The following ADAM8 variants were observed in gnomAD, a reference collection of about 807,000 sequenced individuals.
The protein encoded by ADAM8 is disintegrin and metalloproteinase domain-containing protein 8.
ADAM8 carries 104 observed loss-of-function variants against 102.4 expected under a neutral mutation model. The ratio of observed to expected loss-of-function variants is 1.02; its 90% CI spans 0.87 to 1.20. The LOEUF is 1.20. ADAM8 is among the 50% of genes most tolerant of loss of function. The pLI, the probability that ADAM8 is intolerant of heterozygous loss-of-function variation, is 0.00. For synonymous variants in ADAM8, 517 were observed against 485.2 expected, an observed-to-expected ratio of 1.07 and a Z score of -0.86; for missense variants, 1,132 against 1,159.0, an observed-to-expected ratio of 0.98 and a Z score of 0.34.
intron 1 of ADAM8, 99 bp downstream of exon 1, chr10:133,276,673 G>C (rs1051033136): frequency 5.5e-6 from 8 of 1,453,190 alleles, no homozygotes; most frequent in Admixed American, 2.4e-5. Context: ...CAGGGTGCGG[G>C]GTGCGAGCAG....
rs375358803 is a variant in ADAM8, at chr10:133,271,543, G to A, written c.1269C>T (p.Asp423=). The change falls in exon 12 of 23, where the codon GAC becomes GAT. Residue 423 remains aspartate, a synonymous_variant. Transcript: ENST00000445355. ...NLFVERGEQC[D]CGPPEDCRNR... is the part of the protein sequence containing the mutation. ...ATGGACGCACCTCGGGGGGGCCGCA[G>A]TCGCACTGCTCCCCACGCTCCACAA... The A allele has an allele frequency of 6.3e-5, 98 of 1,557,084 alleles. No homozygotes were observed. Among genetic ancestry groups the A allele is most frequent in the East Asian group, 4.0e-4 (17 of 42,414 alleles).
Position 133,270,377 on chromosome 10 carries a change from G to A in ADAM8, c.1768C>T (p.Arg590Trp), listed in dbSNP as rs139947855. 1.4e-4 allele frequency: 228 copies of A among 1,588,130 alleles called. No homozygotes were observed. In the African/African-American group the frequency reaches 2.7e-3, roughly 19 times the overall value. ...TAYEPVPEGTRCGPEKVCWKG... is the reference protein window; with the variant it reads ...TAYEPVPEGTWCGPEKVCWKG... ...GGGCTCACCTTCTCTGGTCCACACC[G>A]GGTGCCCTCGGGCACTGGTTCATAC... Residue 590 changes from arginine (R) to tryptophan (W), a missense_variant, in exon 16 of 23, where the codon CGG (arginine) becomes TGG (tryptophan). Physicochemically the swap from Arg to Trp is moderately radical, Grantham distance 101. Transcript: ENST00000445355.
chr10:133,271,801 C>T lies in ADAM8; in HGVS notation c.1106+5G>A. 1 of 1,610,588 alleles carries T rather than the reference C, an allele frequency of 6.2e-7. No homozygotes were observed. The highest frequency in any genetic ancestry group is 8.5e-7 in the Non-Finnish European group (1 of 1,178,580). Reference sequence around the variant, plus strand: ...CCCTGGCTCTGCAGGGCCTGGCCGCCTCACCCAATGCTGCCCGCCATGATG... The same window carrying T: ...CCCTGGCTCTGCAGGGCCTGGCCGCTTCACCCAATGCTGCCCGCCATGATG... On this transcript the variant is annotated splice_donor_5th_base_variant and intron_variant, in intron 11 of 22. Transcript: ENST00000445355.
rs1244442369 is a variant in ADAM8, at chr10:133,262,937, A to G, written c.*219T>C. ...TCATCCCAGCCTGGTGCCTGCAGACAGCTGGGGCTACACGTGGCCAAGGCG... is the reference window on the plus strand; with the variant it reads ...TCATCCCAGCCTGGTGCCTGCAGACGGCTGGGGCTACACGTGGCCAAGGCG... On this transcript the variant is annotated 3_prime_UTR_variant, in exon 23 of 23. Transcript: ENST00000445355. 8.9e-6 allele frequency: 6 copies of G among 672,268 alleles called. No homozygotes were observed. The highest frequency in any genetic ancestry group is 2.5e-5 in the East Asian group (1 of 39,640). The allele number at this position is 672,268 out of a possible 1,614,324, so 41.6% of individuals were successfully genotyped here.
In ADAM8 at chr10:133,272,220, G is replaced by A. The variant is rs1415006230; in HGVS notation, c.930C>T (p.Cys310=). 1.3e-6 allele frequency: 2 copies of A among 1,549,192 alleles called. No individual in the cohort carries two copies. The highest frequency in any genetic ancestry group is 1.2e-5 in the South Asian group (1 of 83,994). ...TVGFARVSAM[C]SHSSGAVNQD... ...GGTTCACAGCCCCTGAGCTGTGGGA[G>A]CACATGGCGGACACCCTGGCAAACC... The change falls in exon 10 of 23, where the codon TGC becomes TGT. Residue 310 remains cysteine (C), a synonymous_variant. Transcript: ENST00000445355.
In ADAM8 at chr10:133,271,590, C is replaced by T. The variant is rs1461776636; in HGVS notation, c.1222G>A (p.Gly408Ser). 23 of 1,558,054 alleles carry T rather than the reference C, an allele frequency of 1.5e-5. No homozygotes were observed. The East Asian group carries it at 2.8e-4, about 19-fold the overall frequency. Residue 408 changes from glycine (G) to serine (S), a missense_variant, in exon 12 of 23, where the codon GGC (glycine) becomes AGC (serine). Physicochemically the swap from Gly to Ser is moderately conservative, Grantham distance 56 (BLOSUM62 0). Transcript: ENST00000445355. Reference protein sequence around the residue: ...NAPDLSHLVGGPVCGNLFVER... With the variant: ...NAPDLSHLVGSPVCGNLFVER... ...ACAAACAGGTTCCCACACACGGGGC[C>T]GCCCACCAGGTGGCTGAGGTCAGGG... is the stretch of plus-strand genomic sequence containing the variant.
In ADAM8 at chr10:133,267,415, A is replaced by C. The variant is rs1846359238; in HGVS notation, c.2256T>G (p.Pro752=). The C allele has an allele frequency of 6.2e-7, 1 of 1,608,248 alleles. No individual in the cohort carries two copies. Among genetic ancestry groups the C allele is most frequent in the Non-Finnish European group, 8.5e-7 (1 of 1,178,454 alleles). Residue 752 remains proline, a splice_region_variant and synonymous_variant, in exon 21 of 23, where the codon CCT becomes CCG. Coordinates refer to ENST00000445355, the MANE Select transcript of ADAM8 (RefSeq NM_001109.5). The part of the protein sequence containing the change: ...SVALKRPPPA[P]PVTVSSPPFP... The stretch of plus-strand genomic sequence containing the variant: ...AGGGTGGGCTGGACACAGTGACCGG[A>C]GGCTGGAGGAGACAGGGCCGAGAGC...
chr10:133,274,293 A>C, intron 2 of ADAM8, 58 bp from the exon 3 acceptor site: 15 of 1,425,972 alleles, frequency 1.1e-5, no homozygotes, highest in South Asian at 2.8e-5. Flanking sequence ...GCCCACCTCA[A>C]TCCTGGGGGC....
chr10:133,267,131 A>C (rs1213020070), intron 21 of ADAM8, among the ~76,000 whole-genome samples: 1 of 151,932 alleles, frequency 6.6e-6, no homozygotes, highest in Admixed American at 6.5e-5. Context: ...GGACCCCCAA[A>C]CCAGCTCCAA....
At chr10:133,274,319 G>A in intron 2 of ADAM8, 84 bp from the exon 3 acceptor site, 2 of 1,279,082 alleles carry the variant, frequency 1.6e-6, no homozygotes, top group Non-Finnish European at 2.1e-6. Context: ...AAGCTCAGCT[G>A]GGGGGGAAGG....
At chr10:133,263,975 C>T in intron 21 of ADAM8, 1 of 451,630 alleles carries the variant, frequency 2.2e-6, no homozygotes, top group Non-Finnish European at 3.9e-6. Context: ...TGGCAGAACG[C>T]CATCCTGGGC....
In ADAM8 at chr10:133,271,903, C is replaced by T. The variant is rs1201230518; in HGVS notation, c.1009G>A (p.Gly337Ser). 5 of 1,612,584 alleles carry T rather than the reference C, an allele frequency of 3.1e-6. No individual in the cohort carries two copies. The South Asian group carries it at 3.3e-5, about 11-fold the overall frequency. ...GVACTMAHEM[G>S]HNLGMDHDEN... ...TCATGGTCCATGCCCAGGTTGTGGCCCATCTCATGGGCCATGGTACAGGCC... is the reference window on the plus strand; with the variant it reads ...TCATGGTCCATGCCCAGGTTGTGGCTCATCTCATGGGCCATGGTACAGGCC... Residue 337 changes from glycine (G) to serine (S), a missense_variant, in exon 11 of 23, where the codon GGC becomes AGC. Coordinates refer to ENST00000445355, the MANE Select transcript of ADAM8 (RefSeq NM_001109.5).
At position 133,273,337 on chromosome 10, in the gene ADAM8, C is replaced by T; in HGVS notation, c.490G>A (p.Ala164Thr). The T allele has an allele frequency of 6.4e-7, 1 of 1,572,934 alleles. No homozygotes were observed. Among genetic ancestry groups the T allele is most frequent in the Non-Finnish European group, 8.6e-7 (1 of 1,160,100 alleles). ...TCGTCGCTGACCCCGCAGGTCCCGG[C>T]CGTCTGCAGCAGGTGCTCAGCCTGG... ...VYQAEHLLQTAGTCGVSDDSL... is the reference protein window; with the variant it reads ...VYQAEHLLQTTGTCGVSDDSL... Residue 164 changes from alanine (A) to threonine (T), a missense_variant, in exon 6 of 23, where the codon GCC becomes ACC. Ala to Thr is a moderately conservative substitution (Grantham distance 58). Transcript: ENST00000445355.
intron 21 of ADAM8, among the ~76,000 whole-genome samples, chr10:133,264,559 G>T (rs1307142396): frequency 6.6e-6 from 1 of 152,240 alleles, no homozygotes; most frequent in Non-Finnish European, 1.5e-5. Flanking sequence ...GTTTTCAGCA[G>T]CTTCCAAAGG....
chr10:133,272,116 G>A, intron 10 of ADAM8, 77 bp downstream of exon 10: 1 of 1,511,370 alleles, frequency 6.6e-7, no homozygotes, highest in Non-Finnish European at 9.0e-7. Flanking sequence ...GCCTGCTCCA[G>A]AGACCTGGAC....
chr10:133,271,300 G>A lies in ADAM8; in HGVS notation c.1285-11C>T, dbSNP rs760523904. 27 of 1,607,194 alleles carry A rather than the reference G, an allele frequency of 1.7e-5. No individual in the cohort carries two copies. The highest frequency in any genetic ancestry group is 6.7e-5 in the Admixed American group (4 of 59,592). On this transcript the variant is annotated splice_polypyrimidine_tract_variant and intron_variant, in intron 12 of 22. Transcript: ENST00000445355. Reference sequence around the variant, plus strand: ...GCGGTTCCGGCAGTCCTGGGGCGACGGCAAAGGCCTTGGCAGGCTGCACTG... The same window carrying A: ...GCGGTTCCGGCAGTCCTGGGGCGACAGCAAAGGCCTTGGCAGGCTGCACTG...
Position 133,268,046 on chromosome 10 carries a change from G to A in ADAM8, c.2136C>T (p.Ala712=). The A allele has an allele frequency of 7.9e-7, 1 of 1,265,746 alleles. No homozygotes were observed. The highest frequency in any genetic ancestry group is 3.8e-5 in the Admixed American group (1 of 26,396). 78.4% of individuals were successfully genotyped at this position (1,265,746 alleles called of 1,614,324 possible). A position where few individuals can be genotyped will look rare whatever the true frequency, so the allele number is the denominator to read the frequency against. ...TGGATGGGGCTGGAGCCCCGCCCTT[G>A]GCCGGCACGCGGCTGGCAGCCTGGT... ...LFHQAASRVP[A]KGGAPAPSRG... is the part of the protein sequence containing the mutation. The change falls in exon 20 of 23, where the codon GCC becomes GCT. Residue 712 remains alanine, a synonymous_variant. Coordinates refer to ENST00000445355, the MANE Select transcript of ADAM8 (RefSeq NM_001109.5).
chr10:133,269,462 A>T lies in ADAM8; in HGVS notation c.1931T>A (p.Leu644Gln). The change falls in exon 18 of 23, where the codon CTG becomes CAG. Residue 644 changes from leucine (L) to glutamine (Q), a missense_variant. By Grantham distance (113) the Leu-to-Gln change is moderately radical. Transcript: ENST00000445355. ...GWAPPHCAKL[L>Q]TEVHAASGSL... is the part of the protein sequence containing the mutation. Reference sequence around the variant, plus strand: ...AGGCCTACCTGCGTGCACCTCAGTCAGCAGCTTCGCGCAGTGGGGCGGGGC... The same window carrying T: ...AGGCCTACCTGCGTGCACCTCAGTCTGCAGCTTCGCGCAGTGGGGCGGGGC... 6.3e-7 allele frequency: 1 copy of T among 1,599,490 alleles called. No homozygotes were observed. The highest frequency in any genetic ancestry group is 1.3e-5 in the African/African-American group (1 of 74,894).
chr10:133,268,869 G>C lies in ADAM8; in HGVS notation c.1949-7C>G, dbSNP rs1323405201. 7 of 1,603,634 alleles carry C rather than the reference G, an allele frequency of 4.4e-6. No homozygotes were observed. The highest frequency in any genetic ancestry group is 5.9e-6 in the Non-Finnish European group (7 of 1,179,296). On this transcript the variant is annotated splice_polypyrimidine_tract_variant and splice_region_variant and intron_variant, in intron 18 of 22. Coordinates refer to ENST00000445355, the MANE Select transcript of ADAM8 (RefSeq NM_001109.5). The stretch of plus-strand genomic sequence containing the variant: ...ACGGGGAGGCTCCCGGACGCTGTGG[G>C]ACACACGGCCCCACATCAGGCAGGC...
Sources: allele counts gnomAD v4.1 joint callset (sites outside exome capture counted in the v4.1 genomes callset), GRCh38; gene constraint gnomAD v4.1.1; transcripts MANE v1.5; gene names NCBI Gene and HGNC (gene_info 2026-07-23, HGNC 2026-07-21).